MYH14: variants seen among roughly 807,000 people sequenced by gnomAD.
The protein encoded by MYH14 is myosin-14.
MYH14 carries 123 observed loss-of-function variants against 255.5 expected under a neutral mutation model. The observed-to-expected ratio is 0.48, with a 90% CI of 0.42 to 0.56. The LOEUF is 0.56. Among genes scored for constraint, MYH14 ranks in the 20% least tolerant of loss-of-function variants. The pLI, the probability that MYH14 is intolerant of heterozygous loss-of-function variation, is 0.00. For missense variants in MYH14, 2,423 were observed against 2,802.3 expected, an observed-to-expected ratio of 0.86 and a Z score of 3.06; for synonymous variants, 1,095 against 1,161.2, an observed-to-expected ratio of 0.94 and a Z score of 1.16.
Position 50,250,534 on chromosome 19 carries a change from T to C in MYH14, c.1676T>C (p.Leu559Pro). 2 of 1,613,510 alleles carry C rather than the reference T, an allele frequency of 1.2e-6. No homozygotes were observed. The highest frequency in any genetic ancestry group is 1.7e-6 in the Non-Finnish European group (2 of 1,179,738). ...IERPANPPGL[L>P]ALLDEECWFP... ...GGCCAGGCCAACCCCCCTGGACTCC[T>C]GGCCCTGCTGGATGAGGAGTGCTGG... is the stretch of plus-strand genomic sequence containing the variant. Residue 559 changes from leucine (L) to proline (P), a missense_variant, in exon 15 of 43, where the codon CTG (leucine) becomes CCG (proline). Physicochemically the swap from Leu to Pro is moderately conservative, Grantham distance 98 (BLOSUM62 -3). This residue lies in a region of MYH14 where 672 missense variants were observed against 881.8 expected (regional missense o/e 0.76). Coordinates refer to ENST00000642316, the MANE Select transcript of MYH14 (RefSeq NM_001145809.2). The surrounding 1 kb of genome is among the most constrained non-coding windows in gnomAD (Gnocchi z 5.4).
chr19:50,270,117 G>A (rs953779550), intron 24 of MYH14, among the ~76,000 whole-genome samples: 20 of 152,162 alleles, frequency 1.3e-4, no homozygotes, highest in Admixed American at 2.6e-4. Context: ...CACTACCCAC[G>A]AGGCCTGAGG....
At chr19:50,308,878 C>T in intron 41 of MYH14, 127 bp from the exon 42 acceptor site, 1 of 938,002 alleles carries the variant, frequency 1.1e-6, no homozygotes, top group East Asian at 2.6e-5. Flanking sequence ...AAGGCCTAAA[C>T]AGAGAGCAGA....
At chr19:50,301,940 G>A (rs567096092) in intron 40 of MYH14, 71 bp downstream of exon 40, 1 of 1,252,856 alleles carries the variant, frequency 8.0e-7, no homozygotes, top group East Asian at 2.5e-5. Flanking sequence ...AGGAGGCTGT[G>A]TTACAAACAC....
chr19:50,271,773 A>G (rs2035310439), intron 25 of MYH14, 76 bp from the exon 26 acceptor site: 1 of 1,589,562 alleles, frequency 6.3e-7, no homozygotes, highest in African/African-American at 1.3e-5. Context: ...GAACAACACC[A>G]GAAGCTGCAG....
At chr19:50,251,557 C>CATATATAT (rs2034396485) in intron 15 of MYH14, among the ~76,000 whole-genome samples, 2 of 104,882 alleles carry the variant, frequency 1.9e-5, no homozygotes, top group South Asian at 5.8e-4. Flanking sequence ...CACACACACA[C>CATATATAT]ACACACACAC....
rs1396261635 is a variant in MYH14, at chr19:50,252,805, C to G, written c.1945+52C>G. The G allele has an allele frequency of 7.6e-7, 1 of 1,321,890 alleles. No homozygotes were observed. Among genetic ancestry groups the G allele is most frequent in the Non-Finnish European group, 1.1e-6 (1 of 944,496 alleles). 81.9% of individuals were successfully genotyped at this position (1,321,890 alleles called of 1,614,324 possible). A position where few individuals can be genotyped will look rare whatever the true frequency, so the allele number is the denominator to read the frequency against. On this transcript the variant is annotated intron_variant, in intron 16 of 42. Coordinates refer to ENST00000642316, the MANE Select transcript of MYH14 (RefSeq NM_001145809.2). This position sits in a 1 kb window ranked among gnomAD's most constrained non-coding sequence, Gnocchi z 4.2. ...CTCTAGGGGTCTGTGCGGCCATTCT[C>G]CAAATCCACAGCGTGAGCACCTTTG...
rs2034730069 is a variant in MYH14 at position 50,259,279 on chromosome 19, AG to A, written c.2354+17del. The A allele has an allele frequency of 6.4e-7, 1 of 1,561,748 alleles. No homozygotes were observed. The highest frequency in any genetic ancestry group is 8.7e-7 in the Non-Finnish European group (1 of 1,152,876). On this transcript the variant is annotated intron_variant, in intron 19 of 42. Transcript: ENST00000642316. The stretch of plus-strand genomic sequence containing the variant: ...GTTCCGGCAGCGGTGAGCTAGAGCG[AG>A]GGCCCAGGCCCGGCGGAGGGGCTGG...
At chr19:50,218,014 T>G (rs990253051) in intron 3 of MYH14, among the ~76,000 whole-genome samples, 3 of 152,078 alleles carry the variant, frequency 2.0e-5, no homozygotes, top group Admixed American at 1.3e-4. Flanking sequence ...ATTATTAGTT[T>G]GAGACGGAGT....
At chr19:50,251,521 TACACACACACACACACACACAC>T (rs56728213) in intron 15 of MYH14, among the ~76,000 whole-genome samples, 2 of 72,646 alleles carry the variant, frequency 2.8e-5, no homozygotes, top group South Asian at 1.1e-3. Flanking sequence ...ATATACACAC[TACACACACACACACACACACAC>T]ACACACACAC....
At chr19:50,299,719 T>A (rs2036412343) in intron 39 of MYH14, among the ~76,000 whole-genome samples, 1 of 149,882 alleles carries the variant, frequency 6.7e-6, no homozygotes, top group African/African-American at 2.5e-5. Flanking sequence ...CCGAGGTGGG[T>A]GGATCACTTG....
intron 33 of MYH14, chr19:50,285,997 A>G (rs1240849369): frequency 6.6e-6 from 1 of 152,616 alleles, no homozygotes; most frequent in Non-Finnish European, 1.5e-5. Flanking sequence ...CACCCATTGT[A>G]TCTGTCTCGT....
chr19:50,300,663 C>A (rs940760358), intron 39 of MYH14, among the ~76,000 whole-genome samples: 1 of 109,140 alleles, frequency 9.2e-6, no homozygotes, highest in Non-Finnish European at 2.3e-5. Context: ...GCAGGAGAAT[C>A]GCTTGAACCT....
chr19:50,225,689 G>T lies in MYH14; in HGVS notation c.810+12G>T. On this transcript the variant is annotated intron_variant, in intron 7 of 42. Transcript: ENST00000642316. The stretch of plus-strand genomic sequence containing the variant: ...ACTCCTCCCGATTCGTGAGTGCCAG[G>T]GGTGGGCAGTGCTGGCTGTGTCAGG... The T allele has an allele frequency of 1.2e-6, 2 of 1,605,644 alleles. No homozygotes were observed. Among genetic ancestry groups the T allele is most frequent in the Non-Finnish European group, 1.7e-6 (2 of 1,173,060 alleles).
At chr19:50,215,434 C>T (rs1385884662) in intron 2 of MYH14, among the ~76,000 whole-genome samples, 1 of 152,226 alleles carries the variant, frequency 6.6e-6, no homozygotes, top group Admixed American at 6.5e-5. Flanking sequence ...CACCCACCCT[C>T]CCACCGTTAG....
intron 1 of MYH14, among the ~76,000 whole-genome samples, chr19:50,204,913 T>A (rs866786377): frequency 2.8e-4 from 42 of 151,214 alleles, no homozygotes; most frequent in South Asian, 1.0e-3. Context: ...TTTTTTTTTT[T>A]AAATCATTTT....
At chr19:50,299,684 C>G (rs2036411164) in intron 39 of MYH14, among the ~76,000 whole-genome samples, 1 of 151,204 alleles carries the variant, frequency 6.6e-6, no homozygotes, top group Non-Finnish European at 1.5e-5. Context: ...ATGGCTCACG[C>G]CTATAATCCT....
intron 8 of MYH14, among the ~76,000 whole-genome samples, chr19:50,229,641 AAAAACAAAAC>A (rs373430641): frequency 3.9e-4 from 59 of 152,220 alleles, no homozygotes; most frequent in African/African-American, 1.1e-3. Context: ...CCCTGTCTAA[AAAAACAAAAC>A]AAAACAAAAC....
intron 33 of MYH14, among the ~76,000 whole-genome samples, chr19:50,284,106 A>C (rs1276526953): frequency 1.3e-5 from 2 of 152,050 alleles, no homozygotes; most frequent in Non-Finnish European, 1.5e-5. Context: ...AAAAAAACAA[A>C]AAAAAAGAAA....
intron 10 of MYH14, among the ~76,000 whole-genome samples, chr19:50,237,744 C>T (rs2033725519): frequency 2.0e-5 from 3 of 152,242 alleles, no homozygotes; most frequent in Admixed American, 6.5e-5. Context: ...CACCCAGCAA[C>T]GATGGCTGGA....
Sources: gnomAD v4.1 joint callset for allele counts (sites outside exome capture counted in the v4.1 genomes callset) on GRCh38, gnomAD v4.1.1 for gene constraint, gnomAD v4.1.1 regional missense constraint, Gnocchi (gnomAD v3.1) non-coding constraint, MANE v1.5 for transcripts, NCBI Gene and HGNC (gene_info 2026-07-23, HGNC 2026-07-21) for gene names.